Variants in MTHFD2L observed in about 807,000 individuals in gnomAD.
MTHFD2L encodes methylenetetrahydrofolate dehydrogenase (NADP+ dependent) 2 like.
Under a neutral mutation model 34.9 loss-of-function variants are expected in MTHFD2L, and 29 were observed. The observed-to-expected ratio is 0.83, with a 90% confidence interval of 0.62 to 1.13. MTHFD2L has a LOEUF of 1.13. MTHFD2L is among the 50% of genes most tolerant of loss of function. The pLI is 0.00. For synonymous variants in MTHFD2L, 167 were observed against 155.7 expected, an observed-to-expected ratio of 1.07 and a Z score of -0.54; for missense variants, 481 against 446.5, an observed-to-expected ratio of 1.08 and a Z score of -0.70.
intron 6 of MTHFD2L, chr4:74,267,338 CCTTT>C (rs1475983373): frequency 2.7e-5 from 17 of 622,676 alleles, no homozygotes; most frequent in Middle Eastern, 7.9e-4. Flanking sequence ...TTTCTTTCTT[CCTTT>C]CTTTCTCCTT....
chr4:74,173,112 T>G (rs1185941323), intron 1 of MTHFD2L, among the ~76,000 whole-genome samples: 1 of 152,198 alleles, frequency 6.6e-6, no homozygotes, highest in Non-Finnish European at 1.5e-5. Context: ...TGATGTTTTT[T>G]GTAGTAATCA....
At chr4:74,138,894 G>T (rs775315010) in intron 1 of MTHFD2L, among the ~76,000 whole-genome samples, 24 of 152,124 alleles carry the variant, frequency 1.6e-4, no homozygotes, top group Non-Finnish European at 3.4e-4. Context: ...ATATAGATTT[G>T]ACTATTTCTT....
chr4:74,238,193 A>C (rs1402163650), intron 6 of MTHFD2L, among the ~76,000 whole-genome samples: 1 of 152,172 alleles, frequency 6.6e-6, no homozygotes, highest in Non-Finnish European at 1.5e-5. Context: ...TTTGAAATGT[A>C]CTATGGAGAC....
intron 2 of MTHFD2L, among the ~76,000 whole-genome samples, chr4:74,116,268 A>G (rs1721653955): frequency 1.3e-5 from 2 of 152,188 alleles, no homozygotes; most frequent in Non-Finnish European, 1.5e-5. Flanking sequence ...ATGGCTAGTA[A>G]AAACAGAACC....
At chr4:74,134,879 A>G (rs1276266439) in intron 1 of MTHFD2L, among the ~76,000 whole-genome samples, 1 of 152,072 alleles carries the variant, frequency 6.6e-6, no homozygotes, top group Non-Finnish European at 1.5e-5. Context: ...AAGAGAATCA[A>G]TGAGCTCAAA....
upstream of MTHFD2L, chr4:74,157,812 C>A (rs1262407748): frequency 1.9e-6 from 1 of 533,332 alleles, no homozygotes. Flanking sequence ...GTTTGGAGGC[C>A]TTCTCTGTGC....
chr4:74,200,440 G>C (rs1455252892), intron 4 of MTHFD2L, among the ~76,000 whole-genome samples: 1 of 152,078 alleles, frequency 6.6e-6, no homozygotes, highest in Non-Finnish European at 1.5e-5. Context: ...ACATAGTAGT[G>C]GTATATGTCG....
chr4:74,243,750 C>T (rs995356353), intron 6 of MTHFD2L, among the ~76,000 whole-genome samples: 3 of 152,110 alleles, frequency 2.0e-5, no homozygotes, highest in Non-Finnish European at 4.4e-5. Context: ...ACAAAGCTTG[C>T]AGGCAAGGTA....
rs768932793 is a variant in MTHFD2L at position 74,207,766 on chromosome 4, C to CTTTTTTTTTTTTTTTT, written c.712+6397_712+6412dup. Among the ~76,000 whole-genome samples, 216 of 128,430 alleles carry CTTTTTTTTTTTTTTTT rather than the reference C, an allele frequency of 1.7e-3. 11 individuals carry two copies. Among genetic ancestry groups the CTTTTTTTTTTTTTTTT allele is most frequent in the African/African-American group, 6.1e-3 (198 of 32,606 alleles). 84.3% of individuals were successfully genotyped at this position (128,430 alleles called of 152,430 possible). A position where few individuals can be genotyped will look rare whatever the true frequency, so the allele number is the denominator to read the frequency against. ...AATTAACCCCAGTTGTGAAAAAGAA[C>CTTTTTTTTTTTTTTTT]TTTTTTTTTTTTTTTTGCCAGCCTG... On this transcript the variant is annotated intron_variant, in intron 5 of 7. Coordinates refer to ENST00000325278, the MANE Select transcript of MTHFD2L (RefSeq NM_001144978.3).
chr4:74,252,961 TA>T (rs1216528725), intron 6 of MTHFD2L, among the ~76,000 whole-genome samples: 5 of 152,160 alleles, frequency 3.3e-5, no homozygotes, highest in Non-Finnish European at 2.9e-5. Context: ...CTAGAATTTA[TA>T]AGGGGTAAGG....
chr4:74,238,391 C>T (rs182447741), intron 6 of MTHFD2L, among the ~76,000 whole-genome samples: 179 of 152,242 alleles, frequency 1.2e-3, no homozygotes, highest in African/African-American at 4.1e-3. Context: ...ACCATAAAAA[C>T]CCTAGAAGAA....
intron 2 of MTHFD2L, 140 bp from the exon 3 acceptor site, chr4:74,175,141 T>C: frequency 1.1e-6 from 1 of 897,950 alleles, no homozygotes; most frequent in Non-Finnish European, 1.7e-6. Flanking sequence ...CCTGTACTAT[T>C]GGAGAAATCC....
chr4:74,243,777 A>C (rs1038568174), intron 6 of MTHFD2L, among the ~76,000 whole-genome samples: 1 of 152,164 alleles, frequency 6.6e-6, no homozygotes, highest in Middle Eastern at 3.2e-3. Flanking sequence ...CCACGCATTA[A>C]ATCCCTAGGA....
chr4:74,181,662 ATCT>A (rs1414313807), intron 3 of MTHFD2L: 1 of 152,108 alleles, frequency 6.6e-6, no homozygotes, highest in Non-Finnish European at 1.5e-5. Flanking sequence ...GGTAAACTCT[ATCT>A]ATTTCAAATG....
At chr4:74,225,544 T>C in intron 6 of MTHFD2L, 150 bp downstream of exon 6, 3 of 638,024 alleles carry the variant, frequency 4.7e-6, no homozygotes. Context: ...GCAATCATTA[T>C]ATCAGTCCAT....
intron 1 of MTHFD2L, among the ~76,000 whole-genome samples, chr4:74,127,204 C>T (rs1329869509): frequency 2.6e-5 from 4 of 152,148 alleles, no homozygotes; most frequent in Admixed American, 2.0e-4. Context: ...TGAATTAATA[C>T]AATCAAATCA....
At chr4:74,142,749 T>C (rs1393688148) in intron 1 of MTHFD2L, among the ~76,000 whole-genome samples, 2 of 152,174 alleles carry the variant, frequency 1.3e-5, no homozygotes, top group Non-Finnish European at 2.9e-5. Flanking sequence ...ACTCCAGTTT[T>C]AGAAGCAATG....
chr4:74,123,442 T>C (rs916776342), upstream of MTHFD2L: 1 of 152,180 alleles, frequency 6.6e-6, no homozygotes, highest in Admixed American at 6.6e-5. Context: ...ATCTTTCTAA[T>C]CAATAGAGTT....
chr4:74,166,301 AGTTT>A (rs893524235), intron 1 of MTHFD2L, among the ~76,000 whole-genome samples: 1 of 152,170 alleles, frequency 6.6e-6, no homozygotes, highest in African/African-American at 2.4e-5. Context: ...GTTCCTAAGG[AGTTT>A]GCAGCTGCAT....
Sources: gnomAD v4.1 joint callset for allele counts (sites outside exome capture counted in the v4.1 genomes callset) on GRCh38, gnomAD v4.1.1 for gene constraint, MANE v1.5 for transcripts, NCBI Gene and HGNC (gene_info 2026-07-23, HGNC 2026-07-21) for gene names.